UTY: variants seen among roughly 807,000 people sequenced by gnomAD.
UTY encodes the protein histone demethylase UTY.
Under a neutral mutation model 32.5 loss-of-function variants are expected in UTY, and 12 were observed. The observed-to-expected ratio is 0.37, with a 90% confidence interval of 0.24 to 0.60. UTY has a LOEUF of 0.60. Among genes scored for constraint, UTY ranks in the 20% least tolerant of loss-of-function variants. The pLI is 0.69. For missense variants in UTY, 303 were observed against 299.2 expected (o/e 1.01, Z -0.09); for synonymous variants, 131 against 103.4 (o/e 1.27, Z -1.62).
intron 3 of UTY, among the ~76,000 whole-genome samples, chrY:13,461,278 G>A: frequency 7.0e-5 from 2 of 28,761 alleles, no homozygotes; most frequent in African/African-American, 2.7e-4. Context: ...GGTGGGGGGC[G>A]CGGGAAGGAG....
chrY:13,372,085 G>C, intron 8 of UTY, among the ~76,000 whole-genome samples: 1 of 33,408 alleles, frequency 3.0e-5, no homozygotes, highest in Non-Finnish European at 7.4e-5. Context: ...GTTTACGGAT[G>C]TAAAACAATC....
intron 6 of UTY, among the ~76,000 whole-genome samples, chrY:13,399,310 C>G: frequency 3.0e-5 from 1 of 33,510 alleles, no homozygotes; most frequent in Non-Finnish European, 7.4e-5. Context: ...AAATATTGTA[C>G]AAGTCCATTT....
intron 28 of UTY, among the ~76,000 whole-genome samples, chrY:13,237,974 G>A (rs746900479): frequency 0.04 from 1,348 of 33,849 alleles, no homozygotes; most frequent in Non-Finnish European, 0.072. Flanking sequence ...GCTGAGGCAT[G>A]AGTAGCACAT....
At chrY:13,410,520 G>A in intron 6 of UTY, among the ~76,000 whole-genome samples, 1 of 33,201 alleles carries the variant, frequency 3.0e-5, no homozygotes, top group South Asian at 6.6e-4. Flanking sequence ...CAGTCCAAAA[G>A]CCTTAGAGTG....
intron 28 of UTY, among the ~76,000 whole-genome samples, chrY:13,240,727 G>T: frequency 2.9e-5 from 1 of 33,939 alleles, no homozygotes; most frequent in South Asian, 6.6e-4. Flanking sequence ...TGAGCTCAGT[G>T]GCTCATGCCT....
intron 17 of UTY, among the ~76,000 whole-genome samples, chrY:13,350,191 T>C (rs2062246954): frequency 2.9e-5 from 1 of 33,923 alleles, no homozygotes; most frequent in Non-Finnish European, 7.3e-5. Context: ...TAGTATTTTG[T>C]TATAGTGTTC....
At chrY:13,358,837 A>G in intron 13 of UTY, among the ~76,000 whole-genome samples, 10 of 33,378 alleles carry the variant, frequency 3.0e-4, no homozygotes. Flanking sequence ...AATGTCACTT[A>G]AGAAATTACT....
intron 17 of UTY, among the ~76,000 whole-genome samples, chrY:13,352,728 A>C: frequency 8.8e-5 from 3 of 34,279 alleles, no homozygotes; most frequent in African/African-American, 3.4e-4. Flanking sequence ...GTGAAGGCCA[A>C]GGAAAGTAAA....
chrY:13,373,610 A>G, intron 8 of UTY, among the ~76,000 whole-genome samples: 2 of 33,360 alleles, frequency 6.0e-5, no homozygotes, highest in Non-Finnish European at 1.5e-4. Flanking sequence ...TAAAAACCAG[A>G]TGGGCATGGT....
intron 20 of UTY, among the ~76,000 whole-genome samples, chrY:13,324,120 T>C: frequency 3.0e-5 from 1 of 33,474 alleles, no homozygotes; most frequent in Admixed American, 2.7e-4. Flanking sequence ...CTAGTATTGC[T>C]GAGTATTTTT....
chrY:13,379,368 A>G, intron 8 of UTY, among the ~76,000 whole-genome samples: 4 of 33,524 alleles, frequency 1.2e-4, no homozygotes, highest in Admixed American at 1.1e-3. Context: ...GGCATTTAAG[A>G]AGCTGGAAGT....
At chrY:13,271,402 G>A (rs2056290621) in intron 27 of UTY, among the ~76,000 whole-genome samples, 1 of 33,301 alleles carries the variant, frequency 3.0e-5, no homozygotes, top group Non-Finnish European at 7.4e-5. Context: ...GGCAATTGAT[G>A]CACACTACAG....
chrY:13,309,853 A>AT (rs2058924255), intron 21 of UTY, among the ~76,000 whole-genome samples: 1 of 32,780 alleles, frequency 3.1e-5, no homozygotes, highest in East Asian at 7.9e-4. Context: ...ATTCTAATTC[A>AT]TCTAAGGACT....
At chrY:13,240,322 C>T (rs2053887073) in intron 28 of UTY, among the ~76,000 whole-genome samples, 1 of 32,341 alleles carries the variant, frequency 3.1e-5, no homozygotes, top group Non-Finnish European at 7.6e-5. Context: ...GGAATCAATC[C>T]AGCAAGAAGA....
chrY:13,262,521 C>G, intron 27 of UTY, among the ~76,000 whole-genome samples: 1 of 31,236 alleles, frequency 3.2e-5, no homozygotes, highest in Non-Finnish European at 7.7e-5. Flanking sequence ...ATTACGTTCC[C>G]CCAAATAATG....
chrY:13,414,016 T>G, intron 5 of UTY, among the ~76,000 whole-genome samples: 3 of 34,494 alleles, frequency 8.7e-5, no homozygotes, highest in Non-Finnish European at 2.2e-4. Context: ...CCCTTCCCAA[T>G]GATAACAGAA....
intron 20 of UTY, among the ~76,000 whole-genome samples, chrY:13,324,036 C>G (rs957039253): frequency 9.2e-5 from 3 of 32,592 alleles, no homozygotes; most frequent in Non-Finnish European, 1.5e-4. Flanking sequence ...GATAATGATA[C>G]CAAATATAAA....
In UTY at chrY:13,306,071, A is replaced by C; in HGVS notation, c.3383T>G (p.Phe1128Cys). The change falls in exon 23 of 30, where the codon TTT (phenylalanine) becomes TGT (cysteine). Residue 1128 changes from phenylalanine (F) to cysteine (C), a missense_variant. Phe to Cys is a radical substitution (Grantham distance 205, BLOSUM62 -2). Transcript: ENST00000545955. ...ATCAGAGAGGTCAATGTTGGTCCCA[A>C]ATTTTATGGTTTTAAAAGGTCCTTT... Reference protein sequence around the residue: ...RRKGPFKTIKFGTNIDLSDNK... With the variant: ...RRKGPFKTIKCGTNIDLSDNK... The C allele has an allele frequency of 2.5e-6, 1 of 398,189 alleles. No individual in the cohort carries two copies. The highest frequency in any genetic ancestry group is 3.5e-6 in the Non-Finnish European group (1 of 283,154).
intron 3 of UTY, among the ~76,000 whole-genome samples, chrY:13,468,674 T>C (rs112778715): frequency 0.069 from 2,150 of 31,015 alleles, no homozygotes; most frequent in Non-Finnish European, 0.11. Context: ...TGAGACTCCA[T>C]CTCAAAAAAA....
Sources: gnomAD v4.1 joint callset for allele counts (sites outside exome capture counted in the v4.1 genomes callset) on GRCh38, gnomAD v4.1.1 for gene constraint, MANE v1.5 for transcripts, NCBI Gene and HGNC (gene_info 2026-07-23, HGNC 2026-07-21) for gene names.